Variants in NINL observed in about 807,000 individuals in gnomAD.
NINL encodes ninein-like protein.
NINL carries 153 observed loss-of-function variants against 160.3 expected under a neutral mutation model. The ratio of observed to expected loss-of-function variants is 0.95; its 90% CI spans 0.84 to 1.09. The LOEUF (loss-of-function observed/expected upper bound fraction) is 1.09, where lower values mean the gene tolerates loss of function less well. NINL is among the 50% of genes least tolerant of loss of function. The pLI is 0.00. For synonymous variants in NINL, 800 were observed against 734.8 expected (o/e 1.09, Z -1.43); for missense variants, 1,829 against 1,764.0 (o/e 1.04, Z -0.66).
At chr20:25,522,813 C>T (rs924400371) in intron 2 of NINL, among the ~76,000 whole-genome samples, 16 of 152,236 alleles carry the variant, frequency 1.1e-4, no homozygotes, top group South Asian at 6.2e-4. Context: ...AAAAGGCGAG[C>T]GGCAACCCCA....
chr20:25,479,695 A>C (rs892522872), intron 15 of NINL, among the ~76,000 whole-genome samples: 1 of 152,174 alleles, frequency 6.6e-6, no homozygotes, highest in Non-Finnish European at 1.5e-5. Context: ...CAAGTCATGG[A>C]CACTGTCCCT....
rs548696557 is a variant in NINL, at chr20:25,545,977, GTTTTGT to G, written c.-11-19385_-11-19380del. 8.8e-3 allele frequency among the ~76,000 whole-genome samples: 918 copies of G among 104,042 alleles called. 6 individuals are homozygous for G. Among genetic ancestry groups the G allele is most frequent in the African/African-American group, 0.025 (886 of 34,914 alleles). 68.3% of individuals were successfully genotyped at this position (104,042 alleles called of 152,430 possible). ...CCACAACCCCTTTTCTTTCTTTGTT[GTTTTGT>G]TTTTATTTTTTTTTTTGAGACAGAG... On this transcript the variant is annotated intron_variant, in intron 1 of 23. Coordinates refer to ENST00000278886, the MANE Select transcript of NINL (RefSeq NM_025176.6).
At chr20:25,540,747 C>T (rs191434524) in intron 1 of NINL, among the ~76,000 whole-genome samples, 165 of 152,340 alleles carry the variant, frequency 1.1e-3, no homozygotes, top group African/African-American at 3.6e-3. Context: ...GAACAGACCT[C>T]AGTGCTACTT....
rs60327668 is a variant in NINL at position 25,519,096 on chromosome 20, CA to C, written c.181-1248del. The stretch of plus-strand genomic sequence containing the variant: ...TAGGCAACAGAGCGAGACTCTGTCT[CA>C]AAAAAAAAAAAAAAAAAAGGAAGTT... On this transcript the variant is annotated intron_variant, in intron 2 of 23. Transcript: ENST00000278886. Among the ~76,000 whole-genome samples, 646 of 91,912 alleles carry C rather than the reference CA, an allele frequency of 7.0e-3. 1 individual carries two copies. The highest frequency in any genetic ancestry group is 0.015 in the African/African-American group (363 of 24,118). The allele number at this position is 91,912 out of a possible 152,430, so 60.3% of individuals were successfully genotyped here.
intron 7 of NINL, among the ~76,000 whole-genome samples, chr20:25,501,822 T>C (rs1403788584): frequency 6.6e-6 from 1 of 152,000 alleles, no homozygotes; most frequent in Non-Finnish European, 1.5e-5. Context: ...TGAGATGGGG[T>C]CTCACAATGT....
rs368280033 is a variant in NINL at position 25,582,609 on chromosome 20, T to C, written c.-12+2846A>G. 1.9e-4 allele frequency among the ~76,000 whole-genome samples: 29 copies of C among 152,364 alleles called. 1 individual carries two copies. In the East Asian group the frequency reaches 5.2e-3, roughly 27 times the overall value. On this transcript the variant is annotated intron_variant, in intron 1 of 23. Coordinates refer to ENST00000278886, the MANE Select transcript of NINL (RefSeq NM_025176.6). ...CACACATCCCACTTTTATTTGCCAA[T>C]ACAGATCAATTCAATCTGTCATCAT...
chr20:25,489,177 G>T, intron 13 of NINL, 67 bp downstream of exon 13: 2 of 1,435,118 alleles, frequency 1.4e-6, no homozygotes, highest in South Asian at 2.3e-5. Context: ...CGTTACTGTG[G>T]ACCACCTGCG....
intron 18 of NINL, among the ~76,000 whole-genome samples, chr20:25,468,996 C>G (rs1222081635): frequency 1.3e-3 from 108 of 81,918 alleles, no homozygotes; most frequent in African/African-American, 3.1e-3. Flanking sequence ...ACTGGTGAGT[C>G]CCCCCTTGCC....
chr20:25,551,833 G>A (rs184176825), intron 1 of NINL, among the ~76,000 whole-genome samples: 5 of 152,342 alleles, frequency 3.3e-5, no homozygotes, highest in Non-Finnish European at 4.4e-5. Context: ...TTGTCAGTGT[G>A]AGATTTAACA....
intron 3 of NINL, among the ~76,000 whole-genome samples, chr20:25,514,558 A>G (rs2064129823): frequency 6.6e-6 from 1 of 152,246 alleles, no homozygotes. Flanking sequence ...GAAATTTGTA[A>G]TAGTAAAGAG....
At chr20:25,512,704 C>A in intron 4 of NINL, 130 bp downstream of exon 4, 1 of 1,190,096 alleles carries the variant, frequency 8.4e-7, no homozygotes, top group Non-Finnish European at 1.2e-6. Flanking sequence ...AAGCTTCTGG[C>A]GACTCAGGGT....
chr20:25,458,812 C>A, intron 21 of NINL: 1 of 433,752 alleles, frequency 2.3e-6, no homozygotes, highest in Non-Finnish European at 4.1e-6. Flanking sequence ...TCTGCTGCGT[C>A]CAGTGTTAGC....
intron 1 of NINL, among the ~76,000 whole-genome samples, chr20:25,581,425 G>A (rs2065174290): frequency 7.0e-6 from 1 of 143,678 alleles, no homozygotes; most frequent in African/African-American, 2.6e-5. Context: ...CTGGGTGACA[G>A]AGCGAGACTC....
intron 1 of NINL, among the ~76,000 whole-genome samples, chr20:25,533,592 C>A (rs961419641): frequency 3.3e-5 from 5 of 152,130 alleles, no homozygotes; most frequent in Non-Finnish European, 5.9e-5. Flanking sequence ...CAGACATAGA[C>A]CCATGGAACA....
intron 13 of NINL, among the ~76,000 whole-genome samples, chr20:25,482,558 C>A (rs1042879116): frequency 7.9e-5 from 12 of 151,268 alleles, no homozygotes; most frequent in African/African-American, 2.9e-4. Flanking sequence ...ACCATGTTGG[C>A]CAGGCTGGTC....
rs770058821 is a variant in NINL, at chr20:25,476,661, G to T, written c.2630C>A (p.Pro877His). The T allele has an allele frequency of 2.5e-6, 4 of 1,587,844 alleles. No individual in the cohort carries two copies. In the Admixed American group the frequency reaches 5.1e-5, roughly 20 times the overall value. ...TGTGTCCTGGGCTTGCCTGCGGCGA[G>T]GCCCGGCTCCTGCCGCCTCCTCAGA... ...RESEEAAGAG[P>H]RRRQAQDTEA... Residue 877 changes from proline (P) to histidine (H), a missense_variant, in exon 17 of 24, where the codon CCT becomes CAT. Coordinates refer to ENST00000278886, the MANE Select transcript of NINL (RefSeq NM_025176.6).
In NINL at chr20:25,462,377, A is replaced by G; in HGVS notation, c.3582+6T>C. The G allele has an allele frequency of 7.1e-7, 1 of 1,405,420 alleles. No individual in the cohort carries two copies. The highest frequency in any genetic ancestry group is 9.3e-7 in the Non-Finnish European group (1 of 1,069,530). The allele number at this position is 1,405,420 out of a possible 1,614,324, so 87.1% of individuals were successfully genotyped here. On this transcript the variant is annotated splice_donor_region_variant and intron_variant, in intron 20 of 23. Coordinates refer to ENST00000278886, the MANE Select transcript of NINL (RefSeq NM_025176.6). ...AGCTCAGCTCCCTGCGGCTGAGGCCACCCACCTGCTGCTGCCCACTGCGAA... is the reference window on the plus strand; with the variant it reads ...AGCTCAGCTCCCTGCGGCTGAGGCCGCCCACCTGCTGCTGCCCACTGCGAA...
rs755461590 is a variant in NINL at position 25,476,159 on chromosome 20, C to T, written c.3132G>A (p.Glu1044=). The part of the protein sequence containing the change: ...SWQEQLAAPE[E]GETKIALERE... ...TCTCCAGCGCTATTTTGGTCTCCCCCTCTTCTGGGGCAGCAAGCTGCTCCT... is the reference window on the plus strand; with the variant it reads ...TCTCCAGCGCTATTTTGGTCTCCCCTTCTTCTGGGGCAGCAAGCTGCTCCT... Residue 1044 remains glutamate, a synonymous_variant, in exon 17 of 24, where the codon GAG becomes GAA. Coordinates refer to ENST00000278886, the MANE Select transcript of NINL (RefSeq NM_025176.6). The T allele has an allele frequency of 5.1e-5, 82 of 1,614,122 alleles. No individual in the cohort carries two copies. The highest frequency in any genetic ancestry group is 6.9e-5 in the Non-Finnish European group (81 of 1,180,054).
intron 1 of NINL, among the ~76,000 whole-genome samples, chr20:25,538,999 T>C (rs565833902): frequency 6.6e-6 from 1 of 152,130 alleles, no homozygotes; most frequent in Non-Finnish European, 1.5e-5. Flanking sequence ...TTTGATCAAA[T>C]GACATGAGTG....
Sources: allele counts gnomAD v4.1 joint callset (sites outside exome capture counted in the v4.1 genomes callset), GRCh38; gene constraint gnomAD v4.1.1; transcripts MANE v1.5; gene names NCBI Gene and HGNC (gene_info 2026-07-23, HGNC 2026-07-21).